Variants in COX14 observed in about 807,000 individuals in gnomAD.
COX14 encodes the protein cytochrome c oxidase assembly factor COX14, also known as cytochrome c oxidase assembly protein COX14.
In COX14, 3 loss-of-function variants were observed where a neutral mutation model predicts 5.8. The observed-to-expected ratio is 0.51, with a 90% confidence interval of 0.23 to 1.33. The LOEUF is 1.33. COX14 is among the 40% of genes most tolerant of loss of function. The pLI is 0.18. For synonymous variants in COX14, 25 were observed against 26.1 expected, an observed-to-expected ratio of 0.96 and a Z score of 0.13; for missense variants, 72 against 72.1, an observed-to-expected ratio of 1.00 and a Z score of 0.01.
At chr12:50,115,380 A>G (rs967975106) in intron 1 of COX14, among the ~76,000 whole-genome samples, 6 of 150,288 alleles carry the variant, frequency 4.0e-5, no homozygotes, top group African/African-American at 1.2e-4. Context: ...ATGCCCGGCT[A>G]ATTTTTTTGT....
chr12:50,119,576 G>A (rs369709172), intron 1 of COX14, among the ~76,000 whole-genome samples: 11 of 152,302 alleles, frequency 7.2e-5, no homozygotes, highest in South Asian at 6.2e-4. Context: ...CACCTGTAGC[G>A]TCAGCTACTT....
At chr12:50,113,647 T>G (rs940691690) in intron 1 of COX14, among the ~76,000 whole-genome samples, 13 of 151,484 alleles carry the variant, frequency 8.6e-5, no homozygotes, top group African/African-American at 2.9e-4. Context: ...TTATTTATTT[T>G]TTTGAGACGG....
intron 1 of COX14, among the ~76,000 whole-genome samples, chr12:50,116,937 A>C (rs1404102687): frequency 1.3e-5 from 2 of 152,136 alleles, no homozygotes; most frequent in Non-Finnish European, 2.9e-5. Context: ...CTTAGGGTTT[A>C]CTCTGAGAAG....
At chr12:50,113,891 C>T (rs1951054164) in intron 1 of COX14, among the ~76,000 whole-genome samples, 1 of 151,960 alleles carries the variant, frequency 6.6e-6, no homozygotes, top group Non-Finnish European at 1.5e-5. Context: ...CTTCTGCCTC[C>T]CAAAGTACTG....
At chr12:50,112,454 G>A in intron 1 of COX14, 153 bp downstream of exon 1, 11 of 985,994 alleles carry the variant, frequency 1.1e-5, no homozygotes, top group Non-Finnish European at 1.2e-5. Flanking sequence ...CGGACCGCGA[G>A]CTGCACTGCT....
At position 50,120,324 on chromosome 12, in the gene COX14, A is replaced by G. The variant is rs1480837714; in HGVS notation, c.*107A>G. The G allele has an allele frequency of 1.0e-6, 1 of 971,288 alleles. No homozygotes were observed. The highest frequency in any genetic ancestry group is 2.6e-5 in the East Asian group (1 of 38,674). The allele number at this position is 971,288 out of a possible 1,614,324, so 60.2% of individuals were successfully genotyped here. ...CAGGACTAGAGCGTTGATGGTTTTCAAACCCTGTTGGAAGAAAGTGCCCAT... is the reference window on the plus strand; with the variant it reads ...CAGGACTAGAGCGTTGATGGTTTTCGAACCCTGTTGGAAGAAAGTGCCCAT... On this transcript the variant is annotated 3_prime_UTR_variant, in exon 2 of 2. Transcript: ENST00000550487.
chr12:50,118,293 C>T (rs548589685), intron 1 of COX14, among the ~76,000 whole-genome samples: 1 of 70,076 alleles, frequency 1.4e-5, no homozygotes, highest in East Asian at 2.8e-3. Flanking sequence ...GTGATCCACC[C>T]TCCTCGGCCT....
In COX14 at chr12:50,115,335, C is replaced by T. The variant is rs563839002; in HGVS notation, c.-9+3034C>T. Among the ~76,000 whole-genome samples the T allele has an allele frequency of 7.9e-5, 12 of 151,828 alleles. No homozygotes were observed. The East Asian group carries it at 1.2e-3, about 15-fold the overall frequency. On this transcript the variant is annotated intron_variant, in intron 1 of 1. Transcript: ENST00000550487. ...GTTCATGCCATTCTCCTGCCTCAGC[C>T]TCCTGAGTAGCTGGGACTACAGGCA... is the stretch of plus-strand genomic sequence containing the variant.
At chr12:50,119,942 C>T in intron 1 of COX14, 94 bp from the exon 2 acceptor site, 1 of 968,738 alleles carries the variant, frequency 1.0e-6, no homozygotes, top group Non-Finnish European at 1.7e-6. Flanking sequence ...ACAGACCAAG[C>T]AGGATGCAGA....
intron 1 of COX14, among the ~76,000 whole-genome samples, chr12:50,118,042 AC>A (rs973586409): frequency 2.7e-5 from 2 of 74,304 alleles, no homozygotes; most frequent in Non-Finnish European, 4.7e-5. Flanking sequence ...CATACCTGGC[AC>A]CCCCCCTTTT....
chr12:50,120,214 G>A lies in COX14; in HGVS notation c.171G>A (p.Met57Ile). 2 of 1,613,426 alleles carry A rather than the reference G, an allele frequency of 1.2e-6. No individual in the cohort carries two copies. The highest frequency in any genetic ancestry group is 1.7e-6 in the Non-Finnish European group (2 of 1,179,826). ...AAEEQKTSGIM is the reference protein window; with the variant it reads ...AAEEQKTSGII The stretch of plus-strand genomic sequence containing the variant: ...AAGAACAGAAGACCTCAGGAATCAT[G>A]TAGAACTGGGGGGCTTTTTCTCCTG... Residue 57 changes from methionine (M) to isoleucine (I), a missense_variant, in exon 2 of 2, where the codon ATG becomes ATA. Physicochemically the swap from Met to Ile is conservative, Grantham distance 10 (BLOSUM62 1). Transcript: ENST00000550487.
intron 1 of COX14, among the ~76,000 whole-genome samples, chr12:50,114,458 G>A (rs1297989577): frequency 1.3e-5 from 2 of 151,970 alleles, no homozygotes; most frequent in African/African-American, 4.8e-5. Context: ...TTCCGTGTTG[G>A]TCAGGCTGGT....
intron 1 of COX14, chr12:50,112,553 G>A (rs1436423193): frequency 9.5e-6 from 8 of 845,728 alleles, no homozygotes; most frequent in Non-Finnish European, 1.1e-5. Flanking sequence ...CCTGCCTGGC[G>A]TCTCGACCCT....
At chr12:50,119,590 A>G (rs1043943014) in intron 1 of COX14, among the ~76,000 whole-genome samples, 2 of 152,188 alleles carry the variant, frequency 1.3e-5, no homozygotes, top group African/African-American at 4.8e-5. Flanking sequence ...GCTACTTGGG[A>G]GGCTGAGGTG....
At chr12:50,119,164 A>G (rs2137946555) in intron 1 of COX14, among the ~76,000 whole-genome samples, 1 of 152,294 alleles carries the variant, frequency 6.6e-6, no homozygotes, top group South Asian at 2.1e-4. Context: ...ATATAAAAGT[A>G]CTTTTGACAC....
At chr12:50,112,429 G>T in intron 1 of COX14, 128 bp downstream of exon 1, 1 of 985,794 alleles carries the variant, frequency 1.0e-6, no homozygotes, top group Non-Finnish European at 1.2e-6. Context: ...GAATTCACCC[G>T]CTTCTGTTGC....
At chr12:50,114,240 A>AGGT (rs1565751461) in intron 1 of COX14, among the ~76,000 whole-genome samples, 1 of 141,402 alleles carries the variant, frequency 7.1e-6, no homozygotes, top group Non-Finnish European at 1.5e-5. Context: ...AAAAAAAAAC[A>AGGT]GGTGTTTCTG....
At chr12:50,119,979 G>T in intron 1 of COX14, 57 bp from the exon 2 acceptor site, 1 of 1,370,580 alleles carries the variant, frequency 7.3e-7, no homozygotes, top group Non-Finnish European at 1.0e-6. Context: ...TAAACAGGGA[G>T]ATGGGCTGGG....
intron 1 of COX14, among the ~76,000 whole-genome samples, chr12:50,117,521 G>T (rs1316918115): frequency 6.6e-6 from 1 of 151,664 alleles, no homozygotes; most frequent in African/African-American, 2.4e-5. Context: ...TCAGGACTGG[G>T]TCCAAAGGTC....
Sources: gnomAD v4.1 joint callset for allele counts (sites outside exome capture counted in the v4.1 genomes callset) on GRCh38, gnomAD v4.1.1 for gene constraint, MANE v1.5 for transcripts, NCBI Gene and HGNC (gene_info 2026-07-23, HGNC 2026-07-21) for gene names.